The following GPHN variants were observed in gnomAD, a reference collection of about 807,000 sequenced individuals.
GPHN encodes the protein gephyrin.
A neutral mutation model predicts 95.5 loss-of-function variants in GPHN; 17 were observed. The ratio of observed to expected loss-of-function variants is 0.18; its 90% confidence interval spans 0.12 to 0.27. GPHN has a LOEUF of 0.27. GPHN is among the 10% of genes least tolerant of loss of function. The probability of loss-of-function intolerance (pLI) is 1.00; values close to 1 mark genes in which losing one functional copy is unlikely to be tolerated. For synonymous variants in GPHN, 320 were observed against 322.5 expected (o/e 0.99, Z 0.08); for missense variants, 660 against 978.1 (o/e 0.67, Z 4.34).
chr14:67,694,911 A>C, the GPHN span, among the ~76,000 whole-genome samples: 1 of 152,158 alleles, frequency 6.6e-6, no homozygotes, highest in Non-Finnish European at 1.5e-5. Flanking sequence ...AGAACCAATA[A>C]GCAGGCTGCC....
chr14:67,731,302 C>T, the GPHN span, among the ~76,000 whole-genome samples: 1 of 150,242 alleles, frequency 6.7e-6, no homozygotes, highest in Non-Finnish European at 1.5e-5. Context: ...GCAACCTCCA[C>T]CTCCTGGGTT....
chr14:67,379,846 A>G, the GPHN span, among the ~76,000 whole-genome samples: 6 of 151,340 alleles, frequency 4.0e-5, no homozygotes, highest in African/African-American at 1.2e-4. Flanking sequence ...AGTAGAGACG[A>G]GGTTTCACCG....
chr14:66,630,364 T>G (rs2063743694), intron 1 of GPHN, among the ~76,000 whole-genome samples: 1 of 152,190 alleles, frequency 6.6e-6, no homozygotes, highest in Non-Finnish European at 1.5e-5. Flanking sequence ...TCACATTTCC[T>G]TAGTGATTTA....
intron 8 of GPHN, among the ~76,000 whole-genome samples, chr14:66,953,023 A>G (rs774156950): frequency 1.2e-4 from 18 of 151,054 alleles, no homozygotes; most frequent in Non-Finnish European, 2.5e-4. Context: ...TATCATCTGA[A>G]TGGGTGTGAA....
intron 9 of GPHN, among the ~76,000 whole-genome samples, chr14:66,972,062 G>A (rs1372300899): frequency 6.6e-6 from 1 of 152,016 alleles, no homozygotes; most frequent in Non-Finnish European, 1.5e-5. Context: ...GAGGTCAGGA[G>A]TTCGAGACCA....
At chr14:67,199,374 G>A in the GPHN span, 1 of 1,613,968 alleles carries the variant, frequency 6.2e-7, no homozygotes, top group Non-Finnish European at 8.5e-7. Context: ...ATTTTCAATG[G>A]GAACCTGGAC....
At chr14:66,977,304 G>A (rs1437309176) in intron 9 of GPHN, among the ~76,000 whole-genome samples, 4 of 151,978 alleles carry the variant, frequency 2.6e-5, no homozygotes, top group Admixed American at 6.6e-5. Flanking sequence ...GGTGGTGGGC[G>A]CCTGTAGTCC....
At chr14:67,704,187 A>C in the GPHN span, among the ~76,000 whole-genome samples, 2 of 152,130 alleles carry the variant, frequency 1.3e-5, no homozygotes, top group Non-Finnish European at 2.9e-5. Context: ...ATCTGTGCCT[A>C]AGAGGTGTAT....
intron 8 of GPHN, among the ~76,000 whole-genome samples, chr14:66,954,754 G>A (rs908109990): frequency 6.6e-6 from 1 of 152,124 alleles, no homozygotes; most frequent in African/African-American, 2.4e-5. Flanking sequence ...TGTGGGTTTT[G>A]TCTAGATGCC....
the GPHN span, among the ~76,000 whole-genome samples, chr14:67,703,871 T>C: frequency 2.6e-5 from 4 of 152,060 alleles, no homozygotes; most frequent in Non-Finnish European, 1.5e-5. Context: ...AGAGATGGGG[T>C]TTTGCCATGT....
chr14:66,539,573 G>T lies in GPHN; in HGVS notation c.64+30982G>T, dbSNP rs577567414. On this transcript the variant is annotated intron_variant, in intron 1 of 22. Transcript: ENST00000478722. ...GGGATTACAGCCATGTGCCACTATG[G>T]CTGGCTAATTTTGTATTTTTGGTAG... 2.6e-4 allele frequency among the ~76,000 whole-genome samples: 39 copies of T among 149,416 alleles called. No homozygotes were observed. The South Asian group carries it at 8.3e-3, about 32-fold the overall frequency.
chr14:67,114,691 C>G (rs989927549), intron 16 of GPHN, among the ~76,000 whole-genome samples: 1 of 151,952 alleles, frequency 6.6e-6, no homozygotes, highest in Non-Finnish European at 1.5e-5. Flanking sequence ...CCCTATCTCA[C>G]AATAAAGTAA....
the GPHN span, among the ~76,000 whole-genome samples, chr14:67,719,729 C>T: frequency 3.3e-5 from 5 of 152,122 alleles, no homozygotes; most frequent in East Asian, 1.9e-4. Flanking sequence ...CCTCCTGCCT[C>T]GGTTTCCCAA....
chr14:67,638,656 A>G, the GPHN span, among the ~76,000 whole-genome samples: 1 of 152,168 alleles, frequency 6.6e-6, no homozygotes, highest in African/African-American at 2.4e-5. Flanking sequence ...CTAGGGGGAA[A>G]AAAGAAAAAA....
At chr14:67,435,047 G>GCCT in the GPHN span, among the ~76,000 whole-genome samples, 5 of 149,982 alleles carry the variant, frequency 3.3e-5, no homozygotes, top group Non-Finnish European at 7.4e-5. Context: ...GCTCACTGCA[G>GCCT]CCTCCTCCTC....
the GPHN span, chr14:67,659,905 C>G: frequency 6.2e-7 from 1 of 1,613,376 alleles, no homozygotes; most frequent in Non-Finnish European, 8.5e-7. Flanking sequence ...AACGTAGCTC[C>G]TCCTCCATCT....
the GPHN span, among the ~76,000 whole-genome samples, chr14:67,235,839 C>T: frequency 6.6e-6 from 1 of 152,100 alleles, no homozygotes; most frequent in Non-Finnish European, 1.5e-5. Flanking sequence ...TATTGAATAT[C>T]CTACCCTGAG....
rs191345087 is a variant in GPHN, at chr14:66,523,238, A to G, written c.64+14647A>G. ...TATGTGCAATTTTATTTCATTCAATATCATGTGCTACAGAGGTTCAAATTG... is the reference window on the plus strand; with the variant it reads ...TATGTGCAATTTTATTTCATTCAATGTCATGTGCTACAGAGGTTCAAATTG... On this transcript the variant is annotated intron_variant, in intron 1 of 22. Transcript: ENST00000478722. Among the ~76,000 whole-genome samples the G allele has an allele frequency of 7.9e-5, 12 of 152,236 alleles. No homozygotes were observed. The East Asian group carries it at 1.2e-3, about 15-fold the overall frequency.
At chr14:67,620,616 C>T in the GPHN span, among the ~76,000 whole-genome samples, 1 of 152,072 alleles carries the variant, frequency 6.6e-6, no homozygotes, top group Non-Finnish European at 1.5e-5. Context: ...AACCTGCAGT[C>T]GGGAGCGCTC....
Sources: gnomAD v4.1 joint callset for allele counts (sites outside exome capture counted in the v4.1 genomes callset) on GRCh38, gnomAD v4.1.1 for gene constraint, MANE v1.5 for transcripts, NCBI Gene and HGNC (gene_info 2026-07-23, HGNC 2026-07-21) for gene names.